CAST: variants seen among roughly 807,000 people sequenced by gnomAD.
The protein encoded by CAST is MIR583 host.
Under a neutral mutation model 119.6 loss-of-function variants are expected in CAST, and 76 were observed. The observed-to-expected ratio is 0.64, with a 90% CI of 0.53 to 0.77. The LOEUF is 0.77. Ranked by LOEUF, CAST falls within the 30% of genes least tolerant of loss-of-function variation. The pLI, the probability that CAST is intolerant of heterozygous loss-of-function variation, is 0.00. For synonymous variants in CAST, 319 were observed against 331.6 expected (o/e 0.96, Z 0.41); for missense variants, 953 against 946.5 (o/e 1.01, Z -0.09).
chr5:96,136,779 G>T, the CAST span, among the ~76,000 whole-genome samples: 1 of 152,138 alleles, frequency 6.6e-6, no homozygotes, highest in African/African-American at 2.4e-5. Flanking sequence ...TTCCTCAGCT[G>T]TCATTCATTT....
chr5:96,565,537 A>G (rs967800018), intron 1 of CAST, among the ~76,000 whole-genome samples: 2 of 152,218 alleles, frequency 1.3e-5, no homozygotes, highest in Non-Finnish European at 2.9e-5. Flanking sequence ...GCAACTACAC[A>G]TGCTATTTAA....
chr5:96,514,247 C>T, the CAST span, among the ~76,000 whole-genome samples: 1 of 152,142 alleles, frequency 6.6e-6, no homozygotes, highest in Non-Finnish European at 1.5e-5. Flanking sequence ...TTTCATACTG[C>T]ATTAGTTAAC....
intron 1 of CAST, among the ~76,000 whole-genome samples, chr5:96,618,521 C>T (rs1045547590): frequency 3.3e-5 from 5 of 152,218 alleles, no homozygotes; most frequent in Admixed American, 6.5e-5. Context: ...GGGAGACGCA[C>T]GGGTGGGAAC....
At chr5:95,992,600 C>G in the CAST span, among the ~76,000 whole-genome samples, 4 of 152,104 alleles carry the variant, frequency 2.6e-5, no homozygotes, top group African/African-American at 9.6e-5. Flanking sequence ...TGACTAAATG[C>G]AATGTGATAT....
chr5:96,048,742 C>T, the CAST span, among the ~76,000 whole-genome samples: 8 of 152,166 alleles, frequency 5.3e-5, no homozygotes, highest in East Asian at 9.7e-4. Context: ...AGGTGAACAG[C>T]GAAGGCTTTC....
the CAST span, among the ~76,000 whole-genome samples, chr5:96,516,958 G>C: frequency 1.3e-5 from 2 of 152,130 alleles, no homozygotes; most frequent in African/African-American, 4.8e-5. Context: ...GGTATCAGCC[G>C]ACTGTTTCCA....
chr5:96,184,402 T>C, the CAST span, among the ~76,000 whole-genome samples: 1 of 152,224 alleles, frequency 6.6e-6, no homozygotes, highest in Non-Finnish European at 1.5e-5. Context: ...GATGTGCTAT[T>C]TTGTTATATA....
chr5:96,385,701 A>C, the CAST span, among the ~76,000 whole-genome samples: 3 of 152,248 alleles, frequency 2.0e-5, no homozygotes, highest in African/African-American at 7.2e-5. Flanking sequence ...TCAGGAAGGC[A>C]TACTCTGTTC....
the CAST span, among the ~76,000 whole-genome samples, chr5:96,146,108 T>A: frequency 6.6e-6 from 1 of 152,188 alleles, no homozygotes. Context: ...GAGAAACAGA[T>A]TCCACCTTTC....
chr5:96,741,095 G>A, intron 13 of CAST, 171 bp from the exon 14 acceptor site: 1 of 601,484 alleles, frequency 1.7e-6, no homozygotes, highest in South Asian at 2.0e-5. Flanking sequence ...AATACTCAAT[G>A]AGTAGCCACT....
intron 20 of CAST, among the ~76,000 whole-genome samples, chr5:96,752,518 G>A (rs1765276466): frequency 7.2e-6 from 1 of 138,484 alleles, no homozygotes; most frequent in South Asian, 2.3e-4. Context: ...CTTAATTTAG[G>A]TATAATCCCA....
chr5:96,176,937 T>G, the CAST span, among the ~76,000 whole-genome samples: 1 of 152,234 alleles, frequency 6.6e-6, no homozygotes, highest in Admixed American at 6.5e-5. Flanking sequence ...TCATAGAACT[T>G]TTTGGAAATT....
chr5:96,723,945 C>A (rs1758771859), intron 4 of CAST, among the ~76,000 whole-genome samples: 1 of 152,106 alleles, frequency 6.6e-6, no homozygotes, highest in South Asian at 2.1e-4. Context: ...ATTATATGGC[C>A]TCATCTTGAA....
the CAST span, among the ~76,000 whole-genome samples, chr5:96,173,739 CT>C: frequency 3.5e-4 from 39 of 111,490 alleles, no homozygotes; most frequent in Middle Eastern, 4.7e-3. Context: ...GATAAATGAA[CT>C]TTTTTTTTTC....
chr5:96,669,913 A>C (rs7705824), intron 1 of CAST, among the ~76,000 whole-genome samples: 50,574 of 152,100 alleles, frequency 0.33, 10,913 homozygotes, highest in African/African-American at 0.61. Flanking sequence ...TATCCATGGC[A>C]AGGCCCCATT....
the CAST span, among the ~76,000 whole-genome samples, chr5:96,440,648 T>A: frequency 3.2e-3 from 485 of 152,096 alleles, 8 homozygotes; most frequent in East Asian, 3.7e-3. Context: ...GACTCTCCAG[T>A]CAGAATTACT....
chr5:96,504,808 G>A, the CAST span, among the ~76,000 whole-genome samples: 1 of 152,188 alleles, frequency 6.6e-6, no homozygotes, highest in South Asian at 2.1e-4. Context: ...GGCAACAAAT[G>A]ATGTGCTTTC....
chr5:96,326,100 C>T, the CAST span, among the ~76,000 whole-genome samples: 1 of 152,196 alleles, frequency 6.6e-6, no homozygotes, highest in African/African-American at 2.4e-5. Flanking sequence ...TTTCCCCACC[C>T]CCTATTACCT....
Position 96,753,950 on chromosome 5 carries a change from T to C in CAST, c.1525-110T>C, listed in dbSNP as rs138048141. On this transcript the variant is annotated intron_variant, in intron 20 of 31. Transcript: ENST00000675179. ...GTTGATAACTCGAGTTATTAAAAGA[T>C]AGCGTGTGCCTTTTATCTGAAATAA... 96 of 671,010 alleles carry C rather than the reference T, an allele frequency of 1.4e-4. No homozygotes were observed. In the African/African-American group the frequency reaches 1.6e-3, roughly 11 times the overall value. The allele number at this position is 671,010 out of a possible 1,614,324, so 41.6% of individuals were successfully genotyped here. A position where few individuals can be genotyped will look rare whatever the true frequency, so the allele number is the denominator to read the frequency against.
Sources: gnomAD v4.1 joint callset for allele counts (sites outside exome capture counted in the v4.1 genomes callset) on GRCh38, gnomAD v4.1.1 for gene constraint, MANE v1.5 for transcripts, NCBI Gene and HGNC (gene_info 2026-07-23, HGNC 2026-07-21) for gene names.